Variants in ACOT11 observed in about 807,000 individuals in gnomAD.
The protein encoded by ACOT11 is acyl-CoA thioesterase 11.
ACOT11 carries 69 observed loss-of-function variants against 77.5 expected under a neutral mutation model. The ratio of observed to expected loss-of-function variants is 0.89; its 90% CI spans 0.73 to 1.09. The LOEUF (loss-of-function observed/expected upper bound fraction) is 1.09, where lower values mean the gene tolerates loss of function less well. Among genes scored for constraint, ACOT11 ranks in the 50% least tolerant of loss-of-function variants. The probability of loss-of-function intolerance (pLI) is 0.00; values close to 1 mark genes in which losing one functional copy is unlikely to be tolerated. For missense variants in ACOT11, 766 were observed against 813.7 expected, an observed-to-expected ratio of 0.94 and a Z score of 0.71; for synonymous variants, 279 against 313.0, an observed-to-expected ratio of 0.89 and a Z score of 1.15.
In ACOT11 at chr1:54,604,434, C is replaced by G. The variant is rs1458653155; in HGVS notation, c.1236+5C>G. 3 of 1,613,852 alleles carry G rather than the reference C, an allele frequency of 1.9e-6. No homozygotes were observed. Among genetic ancestry groups the G allele is most frequent in the Non-Finnish European group, 8.5e-7 (1 of 1,179,868 alleles). On this transcript the variant is annotated splice_donor_5th_base_variant and intron_variant, in intron 12 of 15. Coordinates refer to ENST00000343744, the MANE Select transcript of ACOT11 (RefSeq NM_147161.4). ...CTGTCCTCGGAGATCAGTCAGGTAG[C>G]TGACCCCACCCACCCAATTTTCCTT...
At chr1:54,586,439 C>CT (rs1345752068) in intron 3 of ACOT11, among the ~76,000 whole-genome samples, 8 of 131,474 alleles carry the variant, frequency 6.1e-5, no homozygotes, top group Admixed American at 7.6e-5. Context: ...TTTTTTTTTT[C>CT]TTTTTTTTTG....
At chr1:54,621,019 G>C (rs1644225094) in intron 15 of ACOT11, among the ~76,000 whole-genome samples, 1 of 151,554 alleles carries the variant, frequency 6.6e-6, no homozygotes, top group South Asian at 2.1e-4. Flanking sequence ...AAATTAGTTG[G>C]GTTTAGTGGC....
intron 15 of ACOT11, among the ~76,000 whole-genome samples, chr1:54,617,028 G>T (rs1261162633): frequency 6.6e-6 from 1 of 152,184 alleles, no homozygotes. Flanking sequence ...TAAAGCCCAT[G>T]TTATCAAACT....
At position 54,607,076 on chromosome 1, in the gene ACOT11, G is replaced by A. The variant is rs1476560959; in HGVS notation, c.1371-58G>A. 1.2e-5 allele frequency: 19 copies of A among 1,607,516 alleles called. No homozygotes were observed. The highest frequency in any genetic ancestry group is 1.7e-5 in the Admixed American group (1 of 59,706). On this transcript the variant is annotated intron_variant, in intron 13 of 15. Coordinates refer to ENST00000343744, the MANE Select transcript of ACOT11 (RefSeq NM_147161.4). The surrounding 1 kb of genome is among the most constrained non-coding windows in gnomAD (Gnocchi z 4.5). ...AGTGTGGCAGGGCCCGGGCAGACCC[G>A]CTGCTTGCATGGGAGCTGGAAGCTT...
At chr1:54,588,065 A>G (rs1266024766) in intron 3 of ACOT11, among the ~76,000 whole-genome samples, 1 of 152,050 alleles carries the variant, frequency 6.6e-6, no homozygotes, top group East Asian at 2.0e-4. Context: ...TTAGCTAGGC[A>G]TGGTGATATA....
rs762768860 is a variant in ACOT11 at position 54,584,795 on chromosome 1, CA to C, written c.176del (p.Asn59ThrfsTer6). On this transcript the variant is annotated frameshift_variant, in exon 2 of 16. Transcript: ENST00000343744. LOFTEE classifies it high-confidence loss of function. The surrounding 1 kb of genome is among the most constrained non-coding windows in gnomAD (Gnocchi z 6.3). ...GCCAGCTGGTGCTGCCCTGCCACAC[CA>C]ACCAACGTGGTGAGCTGAGCGTCGG... ...MSQLVLPCHT[N>X]QRGELSVGQL... 8.1e-6 allele frequency: 13 copies of C among 1,613,992 alleles called. No homozygotes were observed. The highest frequency in any genetic ancestry group is 8.5e-7 in the Non-Finnish European group (1 of 1,180,042).
chr1:54,616,129 G>A lies in ACOT11; in HGVS notation c.1629+8061G>A, dbSNP rs760514214. ...GAACTCCTGTCTCATTGGCTGTGCCGAGCCCTTCTACATTGACGTCAGCCT... is the reference window on the plus strand; with the variant it reads ...GAACTCCTGTCTCATTGGCTGTGCCAAGCCCTTCTACATTGACGTCAGCCT... On this transcript the variant is annotated intron_variant, in intron 15 of 16. Transcript: ENST00000371316. 5.1e-5 allele frequency: 82 copies of A among 1,614,142 alleles called. 1 individual carries two copies. In the South Asian group the frequency reaches 5.3e-4, roughly 10 times the overall value.
At chr1:54,611,863 G>A (rs550543284), downstream of ACOT11, 44 of 1,165,514 alleles carry the variant, frequency 3.8e-5, no homozygotes, top group African/African-American at 4.3e-4. Flanking sequence ...TCCTCCAGTC[G>A]CCCACCTGCC....
chr1:54,548,464 TA>T, intron 1 of ACOT11, 122 bp downstream of exon 1: 1 of 1,260,646 alleles, frequency 7.9e-7, no homozygotes, highest in Non-Finnish European at 1.1e-6. Flanking sequence ...GGCCATTTTC[TA>T]GCTCTCTTTG....
intron 5 of ACOT11, 34 bp downstream of exon 5, chr1:54,594,073 T>C: frequency 1.9e-6 from 3 of 1,582,004 alleles, no homozygotes; most frequent in Non-Finnish European, 2.6e-6. Flanking sequence ...GGAACGCTGC[T>C]CAGTGACCTG....
intron 15 of ACOT11, chr1:54,619,908 T>C (rs762887417): frequency 2.5e-6 from 4 of 1,614,188 alleles, no homozygotes; most frequent in Admixed American, 1.7e-5. Context: ...GGCTGCGTGG[T>C]ACCAGGTGAC....
At chr1:54,551,130 CAAA>C (rs11367325) in intron 1 of ACOT11, among the ~76,000 whole-genome samples, 5 of 90,942 alleles carry the variant, frequency 5.5e-5, no homozygotes, top group Admixed American at 1.3e-4. Flanking sequence ...ACAGTGGTCT[CAAA>C]AAAAAAAAAA....
intron 1 of ACOT11, among the ~76,000 whole-genome samples, chr1:54,564,143 G>A (rs921691218): frequency 6.6e-6 from 1 of 152,132 alleles, no homozygotes; most frequent in African/African-American, 2.4e-5. Flanking sequence ...AAGGGGCTGA[G>A]GTGGGAGGAT....
At chr1:54,602,174 G>A (rs1643972477) in intron 9 of ACOT11, among the ~76,000 whole-genome samples, 1 of 152,226 alleles carries the variant, frequency 6.6e-6, no homozygotes, top group Non-Finnish European at 1.5e-5. Context: ...GCTTGAGGCA[G>A]GCCATTGGGG....
At chr1:54,599,593 C>CAGGGAAGG in intron 8 of ACOT11, 178 bp downstream of exon 8, 4 of 713,348 alleles carry the variant, frequency 5.6e-6, no homozygotes, top group Non-Finnish European at 5.8e-6. Context: ...TCTTGGGAGC[C>CAGGGAAGG]TTCCCTGGCT....
intron 1 of ACOT11, among the ~76,000 whole-genome samples, chr1:54,556,825 C>T (rs768915195): frequency 1.1e-4 from 16 of 152,098 alleles, no homozygotes; most frequent in South Asian, 4.2e-4. Context: ...TTGGGTGATC[C>T]GCCCACCTTG....
At position 54,631,579 on chromosome 1, in the gene ACOT11, G is replaced by A. The variant is rs550285275; in HGVS notation, c.1782+693G>A. Reference sequence around the variant, plus strand: ...CCAACCTCAAATTAATAGGACTGCAGACCAACTTTCGGGGGTTGGCGGCTG... The same window carrying A: ...CCAACCTCAAATTAATAGGACTGCAAACCAACTTTCGGGGGTTGGCGGCTG... On this transcript the variant is annotated intron_variant, in intron 16 of 16. Coordinates refer to the ACOT11 transcript ENST00000371316. Among the ~76,000 whole-genome samples the A allele has an allele frequency of 1.2e-4, 19 of 152,272 alleles. No homozygotes were observed. The East Asian group carries it at 3.5e-3, about 28-fold the overall frequency.
At chr1:54,587,907 A>G (rs1033042154) in intron 3 of ACOT11, among the ~76,000 whole-genome samples, 15 of 152,082 alleles carry the variant, frequency 9.9e-5, no homozygotes, top group African/African-American at 3.4e-4. Context: ...ATTTATAAAA[A>G]CATTGTATCT....
At chr1:54,589,563 T>C (rs751838209) in intron 3 of ACOT11, among the ~76,000 whole-genome samples, 1 of 152,152 alleles carries the variant, frequency 6.6e-6, no homozygotes, top group Non-Finnish European at 1.5e-5. Flanking sequence ...CCTGAACTTA[T>C]GGGCTCAAGC....
Sources: gnomAD v4.1 joint callset for allele counts (sites outside exome capture counted in the v4.1 genomes callset) on GRCh38, gnomAD v4.1.1 for gene constraint, Gnocchi (gnomAD v3.1) non-coding constraint, MANE v1.5 for transcripts, NCBI Gene and HGNC (gene_info 2026-07-23, HGNC 2026-07-21) for gene names.